SLC9A9: variants seen among roughly 807,000 people sequenced by gnomAD.
SLC9A9 encodes the protein sodium/hydrogen exchanger 9.
In SLC9A9, 62 loss-of-function variants were observed where a neutral mutation model predicts 77.8. The observed-to-expected ratio is 0.80, with a 90% confidence interval of 0.65 to 0.98. SLC9A9 has a LOEUF of 0.98. Among genes scored for constraint, SLC9A9 ranks in the 50% least tolerant of loss-of-function variants. The pLI, the probability that SLC9A9 is intolerant of heterozygous loss-of-function variation, is 0.00. For synonymous variants in SLC9A9, 320 were observed against 283.5 expected (o/e 1.13, Z -1.29); for missense variants, 775 against 774.9 (o/e 1.00, Z 0.00).
At chr3:143,370,652 A>G (rs2033039348) in intron 13 of SLC9A9, among the ~76,000 whole-genome samples, 1 of 151,886 alleles carries the variant, frequency 6.6e-6, no homozygotes, top group African/African-American at 2.4e-5. Flanking sequence ...CATGCTAATA[A>G]CAAAACCCAG....
At chr3:143,559,222 T>C (rs916419498) in intron 8 of SLC9A9, among the ~76,000 whole-genome samples, 5 of 152,174 alleles carry the variant, frequency 3.3e-5, no homozygotes, top group Admixed American at 6.5e-5. Flanking sequence ...AGTGTGAGAA[T>C]GGATAATACA....
intron 14 of SLC9A9, among the ~76,000 whole-genome samples, chr3:143,312,467 C>T (rs189376197): frequency 2.0e-3 from 300 of 152,352 alleles, no homozygotes; most frequent in Non-Finnish European, 3.5e-3. Context: ...TGATGACATA[C>T]GCCAGAGCAG....
At chr3:143,831,919 A>ATG in intron 2 of SLC9A9, 100 bp downstream of exon 2, 7 of 1,039,040 alleles carry the variant, frequency 6.7e-6, no homozygotes, top group Non-Finnish European at 8.6e-6. Flanking sequence ...ATAGGCATAT[A>ATG]TGTGTGTGTG....
intron 14 of SLC9A9, among the ~76,000 whole-genome samples, chr3:143,322,422 A>C (rs951367757): frequency 6.6e-6 from 1 of 152,196 alleles, no homozygotes; most frequent in Admixed American, 6.5e-5. Context: ...TCAGAACTTC[A>C]GATTCAGACT....
intron 2 of SLC9A9, among the ~76,000 whole-genome samples, chr3:143,816,197 T>G (rs548999895): frequency 1.3e-5 from 2 of 152,260 alleles, no homozygotes; most frequent in South Asian, 4.2e-4. Flanking sequence ...TAGTATTGCT[T>G]GTATATTTTT....
chr3:143,506,035 G>C (rs1176107550), intron 9 of SLC9A9, among the ~76,000 whole-genome samples: 10 of 152,092 alleles, frequency 6.6e-5, no homozygotes, highest in Non-Finnish European at 1.5e-4. Context: ...ATTTTGTAAG[G>C]TTGCATTTAA....
chr3:143,574,219 A>G, intron 7 of SLC9A9, 26 bp from the exon 8 acceptor site: 1 of 1,573,204 alleles, frequency 6.4e-7, no homozygotes, highest in Non-Finnish European at 8.7e-7. Context: ...TAAGGGAAAC[A>G]ACAACAGCTT....
intron 12 of SLC9A9, among the ~76,000 whole-genome samples, chr3:143,448,426 G>T (rs76146839): frequency 7.2e-4 from 110 of 152,188 alleles, no homozygotes; most frequent in African/African-American, 2.6e-3. Flanking sequence ...TTTACTGAAT[G>T]AGGAAAAAGG....
chr3:143,503,396 G>T, intron 9 of SLC9A9: 1 of 313,186 alleles, frequency 3.2e-6, no homozygotes, highest in Non-Finnish European at 6.3e-6. Context: ...AGCATCAAAA[G>T]TGGAAGAATG....
intron 12 of SLC9A9, among the ~76,000 whole-genome samples, chr3:143,428,501 A>G (rs994560114): frequency 1.3e-5 from 2 of 152,198 alleles, no homozygotes; most frequent in Non-Finnish European, 2.9e-5. Flanking sequence ...GTAAATTAGT[A>G]CAGCCATTAT....
intron 14 of SLC9A9, among the ~76,000 whole-genome samples, chr3:143,333,911 G>A (rs1344641728): frequency 1.0e-5 from 1 of 95,780 alleles, no homozygotes; most frequent in Non-Finnish European, 1.9e-5. Context: ...TAGTGGATGA[G>A]GGAAACTTCA....
chr3:143,776,131 C>T (rs886841234), intron 4 of SLC9A9, among the ~76,000 whole-genome samples: 2 of 152,066 alleles, frequency 1.3e-5, no homozygotes, highest in Non-Finnish European at 2.9e-5. Flanking sequence ...ATCTAAAATA[C>T]CACAATTTTC....
At chr3:143,407,395 T>G (rs1476979032) in intron 12 of SLC9A9, among the ~76,000 whole-genome samples, 5 of 152,214 alleles carry the variant, frequency 3.3e-5, no homozygotes, top group African/African-American at 1.2e-4. Context: ...CTAGGTGATT[T>G]TTTTCTTTGA....
chr3:143,448,564 A>G (rs59667799), intron 12 of SLC9A9, among the ~76,000 whole-genome samples: 45,112 of 151,788 alleles, frequency 0.3, 7,423 homozygotes, highest in East Asian at 0.51. Context: ...AAAGCCACCA[A>G]GGAAAGAAGA....
intron 13 of SLC9A9, among the ~76,000 whole-genome samples, chr3:143,367,371 C>T (rs974677411): frequency 6.6e-6 from 1 of 151,978 alleles, no homozygotes; most frequent in African/African-American, 2.4e-5. Flanking sequence ...GGGAAAATAC[C>T]ACTGATGACT....
In SLC9A9 at chr3:143,495,412, T is replaced by C. The variant is rs980678210; in HGVS notation, c.1126A>G (p.Ile376Val). ...AGTGCCAGGCCCATGTAACAGAAGA[T>C]GACGTTCTCCGCCAAAAAGTTCATA... ...EFMNFLAENVIFCYMGLALFT... is the reference protein window; with the variant it reads ...EFMNFLAENVVFCYMGLALFT... The change falls in exon 10 of 16, where the codon ATC becomes GTC. Residue 376 changes from isoleucine to valine, a missense_variant. Coordinates refer to ENST00000316549, the MANE Select transcript of SLC9A9 (RefSeq NM_173653.4). The C allele has an allele frequency of 4.3e-6, 7 of 1,614,164 alleles. No homozygotes were observed. The highest frequency in any genetic ancestry group is 1.3e-5 in the African/African-American group (1 of 75,064).
chr3:143,813,785 T>A (rs2008933006), intron 2 of SLC9A9, among the ~76,000 whole-genome samples: 1 of 152,202 alleles, frequency 6.6e-6, no homozygotes, highest in Non-Finnish European at 1.5e-5. Context: ...AAGATTCTCA[T>A]ATACTCTTTT....
At chr3:143,819,006 C>T (rs974610321) in intron 2 of SLC9A9, among the ~76,000 whole-genome samples, 1 of 152,038 alleles carries the variant, frequency 6.6e-6, no homozygotes, top group African/African-American at 2.4e-5. Flanking sequence ...CGCTTGAACC[C>T]GGGAGGTGGA....
chr3:143,355,855 A>G (rs1056755234), intron 14 of SLC9A9, among the ~76,000 whole-genome samples: 2 of 152,200 alleles, frequency 1.3e-5, no homozygotes, highest in Non-Finnish European at 2.9e-5. Context: ...ATTTAAAGGA[A>G]TTTATTTTAT....
Sources: allele counts gnomAD v4.1 joint callset (sites outside exome capture counted in the v4.1 genomes callset), GRCh38; gene constraint gnomAD v4.1.1; transcripts MANE v1.5; gene names NCBI Gene and HGNC (gene_info 2026-07-23, HGNC 2026-07-21).